The following GRAMD1B variants were observed in gnomAD, a reference collection of about 807,000 sequenced individuals.
GRAMD1B encodes GRAM domain containing 1B.
Under a neutral mutation model 99.7 loss-of-function variants are expected in GRAMD1B, and 37 were observed. The ratio of observed to expected loss-of-function variants is 0.37; its 90% confidence interval spans 0.29 to 0.49. GRAMD1B has a LOEUF of 0.49. Among genes scored for constraint, GRAMD1B ranks in the 20% least tolerant of loss-of-function variants. The pLI is 0.98. For synonymous variants in GRAMD1B, 427 were observed against 387.6 expected, an observed-to-expected ratio of 1.10 and a Z score of -1.19; for missense variants, 888 against 1,009.2, an observed-to-expected ratio of 0.88 and a Z score of 1.63.
intron 2 of GRAMD1B, among the ~76,000 whole-genome samples, chr11:123,508,826 C>T (rs1940696940): frequency 6.6e-6 from 1 of 152,082 alleles, no homozygotes; most frequent in African/African-American, 2.4e-5. Context: ...GCTGGGACTA[C>T]AGGCGTGTAC....
At chr11:123,520,791 A>G (rs1165676932) in intron 2 of GRAMD1B, among the ~76,000 whole-genome samples, 4 of 150,142 alleles carry the variant, frequency 2.7e-5, no homozygotes, top group African/African-American at 9.7e-5. Context: ...AAAAAAAAAA[A>G]AAGAAAGAAA....
chr11:123,486,627 C>T (rs1365719217), intron 2 of GRAMD1B, among the ~76,000 whole-genome samples: 5 of 151,168 alleles, frequency 3.3e-5, no homozygotes, highest in Admixed American at 1.3e-4. Flanking sequence ...CTGCAAATGT[C>T]ACATATTTAG....
chr11:123,410,317 GAGAA>G (rs1247656795), intron 1 of GRAMD1B, among the ~76,000 whole-genome samples: 2 of 152,258 alleles, frequency 1.3e-5, no homozygotes, highest in Admixed American at 6.5e-5. Context: ...TGAGAAGAGA[GAGAA>G]AGAAACAGAG....
At chr11:123,473,090 G>A (rs1316890845) in intron 1 of GRAMD1B, among the ~76,000 whole-genome samples, 1 of 145,744 alleles carries the variant, frequency 6.9e-6, no homozygotes, top group African/African-American at 2.8e-5. Flanking sequence ...TTGAGACGAA[G>A]TCTCGCTCTT....
chr11:123,437,229 G>T (rs558150687), intron 1 of GRAMD1B, among the ~76,000 whole-genome samples: 25 of 152,304 alleles, frequency 1.6e-4, no homozygotes, highest in African/African-American at 6.0e-4. Flanking sequence ...GATGGGGCAG[G>T]CTCTTAGCAT....
intron 1 of GRAMD1B, among the ~76,000 whole-genome samples, chr11:123,417,574 T>C (rs1948273950): frequency 6.6e-6 from 1 of 152,128 alleles, no homozygotes; most frequent in African/African-American, 2.4e-5. Context: ...AGCATTGATG[T>C]TTACAAATTA....
In GRAMD1B at chr11:123,492,847, G is replaced by T. The variant is rs1001954980; in HGVS notation, c.452+11954G>T. Reference sequence around the variant, plus strand: ...TAACCTCAATCCTCTCTCTCTCTCTGTCTCTCTCTTTCACACATACACACA... The same window carrying T: ...TAACCTCAATCCTCTCTCTCTCTCTTTCTCTCTCTTTCACACATACACACA... On this transcript the variant is annotated intron_variant, in intron 2 of 19. Coordinates refer to ENST00000635736, the MANE Select transcript of GRAMD1B (RefSeq NM_001387025.1). This position sits in a 1 kb window ranked among gnomAD's most constrained non-coding sequence, Gnocchi z 4.2. Among the ~76,000 whole-genome samples, 5 of 112,562 alleles carry T rather than the reference G, an allele frequency of 4.4e-5. No homozygotes were observed. Among genetic ancestry groups the T allele is most frequent in the African/African-American group, 8.7e-5 (2 of 22,878 alleles). 73.8% of individuals were successfully genotyped at this position (112,562 alleles called of 152,430 possible). A position where few individuals can be genotyped will look rare whatever the true frequency, so the allele number is the denominator to read the frequency against.
chr11:123,393,550 G>A (rs1045145832), intron 1 of GRAMD1B, among the ~76,000 whole-genome samples: 3 of 152,200 alleles, frequency 2.0e-5, no homozygotes, highest in African/African-American at 4.8e-5. Flanking sequence ...ATGCATGCTG[G>A]CAATGATAGG....
intron 1 of GRAMD1B, among the ~76,000 whole-genome samples, chr11:123,386,004 A>T (rs1230763967): frequency 6.6e-6 from 1 of 152,210 alleles, no homozygotes; most frequent in African/African-American, 2.4e-5. Flanking sequence ...TGTCAGGCAG[A>T]TACTCTAGAA....
intron 9 of GRAMD1B, among the ~76,000 whole-genome samples, 196 bp from the exon 10 acceptor site, chr11:123,605,126 T>A (rs1231158781): frequency 2.9e-5 from 2 of 69,956 alleles, no homozygotes; most frequent in Admixed American, 1.6e-4. Flanking sequence ...CAGGGAGGGG[T>A]GGGGTGGGAT....
chr11:123,489,194 A>G lies in GRAMD1B; in HGVS notation c.452+8301A>G, dbSNP rs368234572. Among the ~76,000 whole-genome samples, 6 of 152,180 alleles carry G rather than the reference A, an allele frequency of 3.9e-5. No individual in the cohort carries two copies. In the East Asian group the frequency reaches 1.2e-3, roughly 29 times the overall value. On this transcript the variant is annotated intron_variant, in intron 2 of 19. Coordinates refer to ENST00000635736, the MANE Select transcript of GRAMD1B (RefSeq NM_001387025.1). The stretch of plus-strand genomic sequence containing the variant: ...GCCTGTGGTTAATGTGTATGTGCCT[A>G]TTAGTATTATTATCATTAAAACAGT...
intron 3 of GRAMD1B, among the ~76,000 whole-genome samples, chr11:123,581,575 C>A (rs1042993554): frequency 6.6e-6 from 1 of 152,208 alleles, no homozygotes; most frequent in Non-Finnish European, 1.5e-5. Flanking sequence ...TTGGACGTGG[C>A]TGGAGGGGGG....
intron 2 of GRAMD1B, among the ~76,000 whole-genome samples, chr11:123,568,185 A>G (rs1475013174): frequency 1.6e-4 from 24 of 152,116 alleles, no homozygotes; most frequent in East Asian, 1.9e-4. Context: ...CTTGTTGCCC[A>G]TAGGAAGTGC....
intron 2 of GRAMD1B, among the ~76,000 whole-genome samples, chr11:123,530,670 C>T (rs570220650): frequency 1.3e-5 from 2 of 152,350 alleles, no homozygotes; most frequent in African/African-American, 2.4e-5. Flanking sequence ...CATGAGCCAT[C>T]GTGCCCAGCC....
At chr11:123,614,953 T>A (rs1954148777) in intron 17 of GRAMD1B, 118 bp downstream of exon 17, 1 of 597,594 alleles carries the variant, frequency 1.7e-6, no homozygotes, top group Non-Finnish European at 3.0e-6. Flanking sequence ...GGTTTTTGCC[T>A]TATCCTCTAG....
intron 1 of GRAMD1B, among the ~76,000 whole-genome samples, chr11:123,364,311 C>T (rs1946245497): frequency 6.6e-6 from 1 of 152,196 alleles, no homozygotes; most frequent in South Asian, 2.1e-4. Context: ...ATGAAACAGG[C>T]TTACTAGCCA....
At position 123,625,533 on chromosome 11, in the gene GRAMD1B, A is replaced by G. The variant is rs890789279; in HGVS notation, c.*2938A>G. 6.6e-6 allele frequency: 1 copy of G among 152,220 alleles called. No homozygotes were observed. The highest frequency in any genetic ancestry group is 1.5e-5 in the Non-Finnish European group (1 of 68,048). 9.4% of individuals were successfully genotyped at this position (152,220 alleles called of 1,614,324 possible). ...ACCTCTTTGGGGACAAGAGGATTAC[A>G]TCTCAGGCCAGCAAGATCAGCTGCT... On this transcript the variant is annotated 3_prime_UTR_variant, in exon 20 of 20. Transcript: ENST00000635736.
chr11:123,533,251 G>A (rs770153672), intron 2 of GRAMD1B, among the ~76,000 whole-genome samples: 76 of 152,192 alleles, frequency 5.0e-4, no homozygotes, highest in Admixed American at 1.6e-3. Flanking sequence ...GATTACAGGC[G>A]TGAGCCACCG....
chr11:123,554,760 C>T (rs894574717), intron 2 of GRAMD1B, among the ~76,000 whole-genome samples: 9 of 152,136 alleles, frequency 5.9e-5, no homozygotes, highest in African/African-American at 2.2e-4. Flanking sequence ...GGAAAGGTCT[C>T]TGAAGAATGG....
Sources: gnomAD v4.1 joint callset for allele counts (sites outside exome capture counted in the v4.1 genomes callset) on GRCh38, gnomAD v4.1.1 for gene constraint, Gnocchi (gnomAD v3.1) non-coding constraint, MANE v1.5 for transcripts, NCBI Gene and HGNC (gene_info 2026-07-23, HGNC 2026-07-21) for gene names.